The following JMJD1C variants were observed in gnomAD, a reference collection of about 807,000 sequenced individuals.
The protein encoded by JMJD1C is jumonji domain-containing protein 1C.
In JMJD1C, 31 loss-of-function variants were observed where a neutral mutation model predicts 245.3. The observed-to-expected ratio is 0.13, with a 90% confidence interval of 0.09 to 0.17. The LOEUF (loss-of-function observed/expected upper bound fraction) is 0.17. JMJD1C is among the 10% of genes least tolerant of loss of function. The pLI, the probability that JMJD1C is intolerant of heterozygous loss-of-function variation, is 1.00. For synonymous variants in JMJD1C, 1,057 were observed against 1,017.4 expected, an observed-to-expected ratio of 1.04 and a Z score of -0.74; for missense variants, 2,691 against 3,000.2, an observed-to-expected ratio of 0.90 and a Z score of 2.41.
chr10:63,259,388 TAGGACA>T (rs1854404226), intron 3 of JMJD1C, among the ~76,000 whole-genome samples: 4 of 151,800 alleles, frequency 2.6e-5, no homozygotes, highest in African/African-American at 4.8e-5. Context: ...CCAAATGCCA[TAGGACA>T]GTAACACAAA....
chr10:63,357,521 G>C (rs1944950199), intron 2 of JMJD1C, among the ~76,000 whole-genome samples: 1 of 151,922 alleles, frequency 6.6e-6, no homozygotes, highest in Non-Finnish European at 1.5e-5. Flanking sequence ...GGCCAGGCTA[G>C]TCTCGAACTC....
chr10:63,220,848 C>T (rs1183891431), intron 3 of JMJD1C, among the ~76,000 whole-genome samples: 1 of 151,938 alleles, frequency 6.6e-6, no homozygotes, highest in Non-Finnish European at 1.5e-5. Context: ...GTGGCTCACG[C>T]CTGTAATCCC....
Position 63,194,197 on chromosome 10 carries a change from C to T in JMJD1C, c.5734+89G>A, listed in dbSNP as rs1845181503. 6.0e-6 allele frequency: 5 copies of T among 826,850 alleles called. No individual in the cohort carries two copies. In the Admixed American group the frequency reaches 8.8e-5, roughly 15 times the overall value. 51.2% of individuals were successfully genotyped at this position (826,850 alleles called of 1,614,324 possible). A position where few individuals can be genotyped will look rare whatever the true frequency, so the allele number is the denominator to read the frequency against. On this transcript the variant is annotated intron_variant, in intron 14 of 25. Transcript: ENST00000399262. Reference sequence around the variant, plus strand: ...TCAAAACTAGTTAAATCTCTCTCCACCCTGTTATATTTCTAGATACTCCTT... The same window carrying T: ...TCAAAACTAGTTAAATCTCTCTCCATCCTGTTATATTTCTAGATACTCCTT...
chr10:63,505,462 G>A (rs574125627), intron 1 of JMJD1C, among the ~76,000 whole-genome samples: 1 of 152,252 alleles, frequency 6.6e-6, no homozygotes, highest in African/African-American at 2.4e-5. Flanking sequence ...AGATTTTAGA[G>A]ATGGACAAGT....
intron 1 of JMJD1C, among the ~76,000 whole-genome samples, chr10:63,421,983 A>C (rs182134868): frequency 6.6e-6 from 1 of 152,246 alleles, no homozygotes; most frequent in African/African-American, 2.4e-5. Flanking sequence ...CAACCCTAGC[A>C]AACTAATACA....
chr10:63,236,778 A>T (rs1271289485), intron 3 of JMJD1C, among the ~76,000 whole-genome samples: 1 of 152,174 alleles, frequency 6.6e-6, no homozygotes, highest in Non-Finnish European at 1.5e-5. Context: ...AAGTAAAATT[A>T]TATACTTGTA....
intron 2 of JMJD1C, among the ~76,000 whole-genome samples, chr10:63,317,972 C>A: frequency 6.6e-6 from 1 of 152,034 alleles, no homozygotes; most frequent in Admixed American, 6.6e-5. Flanking sequence ...AGCAGCCTCC[C>A]AAGTAGCTGA....
intron 1 of JMJD1C, among the ~76,000 whole-genome samples, chr10:63,501,775 CA>C (rs997422839): frequency 1.3e-5 from 2 of 149,638 alleles, no homozygotes; most frequent in Admixed American, 6.7e-5. Flanking sequence ...GTCTCCATCT[CA>C]AAAAAAAAGA....
intron 1 of JMJD1C, among the ~76,000 whole-genome samples, chr10:63,500,599 G>A (rs999824871): frequency 1.3e-5 from 2 of 152,154 alleles, no homozygotes; most frequent in Admixed American, 6.5e-5. Flanking sequence ...CCAAGTCATG[G>A]CACACGCCTG....
At chr10:63,435,674 T>C (rs1382900453) in intron 1 of JMJD1C, among the ~76,000 whole-genome samples, 2 of 152,098 alleles carry the variant, frequency 1.3e-5, no homozygotes, top group East Asian at 3.9e-4. Flanking sequence ...CTGAGGCGCG[T>C]GGACTGGCTG....
chr10:63,395,420 G>C (rs570850877), intron 1 of JMJD1C, among the ~76,000 whole-genome samples: 22 of 152,316 alleles, frequency 1.4e-4, no homozygotes, highest in Admixed American at 1.4e-3. Context: ...GGAGTTTACA[G>C]TGAGCCAAGA....
intron 18 of JMJD1C, 55 bp downstream of exon 18, chr10:63,189,113 A>G: frequency 1.4e-6 from 2 of 1,465,376 alleles, no homozygotes; most frequent in African/African-American, 1.4e-5. Context: ...GAACCATTCT[A>G]TTTAATAAGC....
chr10:63,331,962 G>A (rs904150012), intron 2 of JMJD1C, among the ~76,000 whole-genome samples: 1 of 152,154 alleles, frequency 6.6e-6, no homozygotes, highest in African/African-American at 2.4e-5. Context: ...TATTCCCAGG[G>A]TATACACATA....
At chr10:63,303,072 A>C (rs1860290811) in intron 2 of JMJD1C, among the ~76,000 whole-genome samples, 1 of 151,816 alleles carries the variant, frequency 6.6e-6, no homozygotes, top group Admixed American at 6.6e-5. Context: ...AAACTCAAAG[A>C]AAGTAATAGG....
At chr10:63,502,296 G>A (rs1564974348) in intron 1 of JMJD1C, among the ~76,000 whole-genome samples, 1 of 152,140 alleles carries the variant, frequency 6.6e-6, no homozygotes, top group African/African-American at 2.4e-5. Flanking sequence ...GCTTGTTTGT[G>A]CTCACTGAAA....
chr10:63,180,570 C>G (rs1469459754), intron 22 of JMJD1C, among the ~76,000 whole-genome samples: 2 of 152,134 alleles, frequency 1.3e-5, no homozygotes, highest in East Asian at 1.9e-4. Flanking sequence ...AAAAGTTGAA[C>G]ATAAAAAAAT....
intron 2 of JMJD1C, among the ~76,000 whole-genome samples, chr10:63,283,367 C>CTTT (rs34629226): frequency 8.2e-6 from 1 of 122,542 alleles, no homozygotes; most frequent in Admixed American, 8.1e-5. Context: ...CTTTCTGAGC[C>CTTT]TTTTTTTTTT....
At chr10:63,179,783 G>GAAAAAAA (rs146298979) in intron 22 of JMJD1C, among the ~76,000 whole-genome samples, 1 of 132,888 alleles carries the variant, frequency 7.5e-6, no homozygotes, top group Non-Finnish European at 1.6e-5. Flanking sequence ...CTTTAAAAAA[G>GAAAAAAA]AAAAAAAAAA....
At chr10:63,364,343 C>T (rs776314358) in intron 2 of JMJD1C, among the ~76,000 whole-genome samples, 5 of 152,152 alleles carry the variant, frequency 3.3e-5, no homozygotes, top group Admixed American at 6.5e-5. Flanking sequence ...GAAGCCTGGC[C>T]CAGTTTTCTT....
Sources: allele counts gnomAD v4.1 joint callset (sites outside exome capture counted in the v4.1 genomes callset), GRCh38; gene constraint gnomAD v4.1.1; transcripts MANE v1.5; gene names NCBI Gene and HGNC (gene_info 2026-07-23, HGNC 2026-07-21).